SARDH: variants seen among roughly 807,000 people sequenced by gnomAD.
The protein encoded by SARDH is sarcosine dehydrogenase, mitochondrial.
SARDH carries 95 observed loss-of-function variants against 109.1 expected under a neutral mutation model. The observed-to-expected ratio is 0.87, with a 90% CI of 0.74 to 1.03. The LOEUF is 1.03. SARDH is among the 50% of genes least tolerant of loss of function. SARDH has a pLI of 0.00. For missense variants in SARDH, 1,267 were observed against 1,287.8 expected, an observed-to-expected ratio of 0.98 and a Z score of 0.25; for synonymous variants, 572 against 534.8, an observed-to-expected ratio of 1.07 and a Z score of -0.96.
At chr9:133,665,477 C>G (rs1830031172) in intron 20 of SARDH, among the ~76,000 whole-genome samples, 1 of 152,202 alleles carries the variant, frequency 6.6e-6, no homozygotes, top group Non-Finnish European at 1.5e-5. Context: ...TGTGCAGTGG[C>G]CTGTATGACA....
intron 19 of SARDH, 175 bp from the exon 20 acceptor site, chr9:133,667,045 C>CTGGA: frequency 5.1e-6 from 4 of 776,880 alleles, no homozygotes; most frequent in Non-Finnish European, 8.5e-6. Context: ...AGCACCTGGC[C>CTGGA]TGGACAGCAG....
chr9:133,666,750 G>A lies in SARDH; in HGVS notation c.2616C>T (p.Asp872=). 1 of 1,595,818 alleles carries A rather than the reference G, an allele frequency of 6.3e-7. No individual in the cohort carries two copies. Among genetic ancestry groups the A allele is most frequent in the Non-Finnish European group, 8.5e-7 (1 of 1,171,508 alleles). Residue 872 remains aspartate, a synonymous_variant, in exon 20 of 21, where the codon GAC becomes GAT. Coordinates refer to ENST00000439388, the MANE Select transcript of SARDH (RefSeq NM_001134707.2). This position sits in a 1 kb window ranked among gnomAD's most constrained non-coding sequence, Gnocchi z 5.2. ...GGGGACTCACCGGCCCACCGCTGGG[G>A]TCATGGATGTAACCGTAGGCGATGG... The part of the protein sequence containing the change: ...DKTIAYGYIH[D]PSGGPVSLDF...
intron 6 of SARDH, among the ~76,000 whole-genome samples, chr9:133,726,882 C>T (rs1337700704): frequency 1.3e-5 from 2 of 152,188 alleles, no homozygotes; most frequent in African/African-American, 2.4e-5. Flanking sequence ...TGCTGTATGC[C>T]GGGCACCACT....
chr9:133,701,072 C>T (rs1831467029), intron 13 of SARDH, among the ~76,000 whole-genome samples: 1 of 152,214 alleles, frequency 6.6e-6, no homozygotes, highest in Non-Finnish European at 1.5e-5. Context: ...GTGGCACAGC[C>T]AGGCAGTGGC....
At chr9:133,706,866 C>G (rs1831713444) in intron 11 of SARDH, among the ~76,000 whole-genome samples, 1 of 152,064 alleles carries the variant, frequency 6.6e-6, no homozygotes, top group Non-Finnish European at 1.5e-5. Context: ...CCCTCCACCC[C>G]CGAGGCCCCA....
chr9:133,678,329 A>C (rs1830586034), intron 17 of SARDH, among the ~76,000 whole-genome samples: 1 of 152,134 alleles, frequency 6.6e-6, no homozygotes, highest in African/African-American at 2.4e-5. Flanking sequence ...AGGGGACCAG[A>C]AGGCCTCTGG....
At chr9:133,698,998 A>G (rs1286670026) in intron 13 of SARDH, among the ~76,000 whole-genome samples, 1 of 152,208 alleles carries the variant, frequency 6.6e-6, no homozygotes, top group Non-Finnish European at 1.5e-5. Flanking sequence ...GTGTGTGCAC[A>G]TTACAGATCT....
At chr9:133,682,710 T>C (rs2797828) in intron 17 of SARDH, among the ~76,000 whole-genome samples, 1,116 of 49,526 alleles carry the variant, frequency 0.023, 33 homozygotes, top group African/African-American at 0.11. Context: ...CTGAAACCCA[T>C]GCGCAGTGAT....
chr9:133,670,559 G>A (rs371060774), intron 19 of SARDH, 25 bp downstream of exon 19: 8 of 1,557,744 alleles, frequency 5.1e-6, no homozygotes, highest in Non-Finnish European at 6.9e-6. Context: ...GCTTCCGGGT[G>A]GGCGTGGAAC....
At position 133,702,969 on chromosome 9, in the gene SARDH, G is replaced by A. The variant is rs775825403; in HGVS notation, c.1615C>T (p.Arg539Cys). 6.2e-7 allele frequency: 1 copy of A among 1,613,454 alleles called. No individual in the cohort carries two copies. The highest frequency in any genetic ancestry group is 8.5e-7 in the Non-Finnish European group (1 of 1,180,006). The stretch of plus-strand genomic sequence containing the variant: ...GTGTACTCGTCTGCCAGCAGCCTGC[G>A]GTAGGCGTAGTCCTCGTGCGCGCGG... ...GSRAHEDYAY[R>C]RLLADEYTFA... Residue 539 changes from arginine (R) to cysteine (C), a missense_variant, in exon 13 of 21, where the codon CGC becomes TGC. By Grantham distance (180) the Arg-to-Cys change is radical (BLOSUM62 -3). Coordinates refer to ENST00000439388, the MANE Select transcript of SARDH (RefSeq NM_001134707.2).
At chr9:133,670,834 C>G in intron 18 of SARDH, 82 bp from the exon 19 acceptor site, 1 of 1,440,962 alleles carries the variant, frequency 6.9e-7, no homozygotes, top group Non-Finnish European at 9.1e-7. Flanking sequence ...GCTGCCTAAA[C>G]CCACCCCCTC....
chr9:133,702,605 G>C (rs1184798323), intron 13 of SARDH, among the ~76,000 whole-genome samples: 1 of 152,208 alleles, frequency 6.6e-6, no homozygotes, highest in Non-Finnish European at 1.5e-5. Flanking sequence ...AGCGGGAGGC[G>C]GAGGCTCAGA....
At chr9:133,729,623 C>A (rs1832604220) in intron 6 of SARDH, 142 bp downstream of exon 6, 2 of 658,654 alleles carry the variant, frequency 3.0e-6, no homozygotes, top group South Asian at 3.7e-5. Flanking sequence ...TGTTACAATC[C>A]CCATTTCACA....
rs775913532 is a variant in SARDH at position 133,713,106 on chromosome 9, T to C, written c.1169A>G (p.His390Arg). 25 of 1,613,208 alleles carry C rather than the reference T, an allele frequency of 1.5e-5. No individual in the cohort carries two copies. The African/African-American group carries it at 1.9e-4, about 12-fold the overall frequency. ...AGGTGCCTCCCCCATCAGGGGCTTGTGGTCGGGCGTGAAGGATTCTGAAAG... is the reference window on the plus strand; with the variant it reads ...AGGTGCCTCCCCCATCAGGGGCTTGCGGTCGGGCGTGAAGGATTCTGAAAG... Reference protein sequence around the residue: ...VCGPESFTPDHKPLMGEAPEL... With the variant: ...VCGPESFTPDRKPLMGEAPEL... The change falls in exon 9 of 21, where the codon CAC (histidine) becomes CGC (arginine). Residue 390 changes from histidine to arginine, a missense_variant. Transcript: ENST00000439388.
chr9:133,729,198 G>C (rs982017171), intron 6 of SARDH, among the ~76,000 whole-genome samples: 1 of 152,018 alleles, frequency 6.6e-6, no homozygotes, highest in African/African-American at 2.4e-5. Context: ...GATGGAAAGA[G>C]GGGGGTCAGT....
intron 8 of SARDH, among the ~76,000 whole-genome samples, chr9:133,715,076 T>A (rs1340153082): frequency 1.3e-5 from 2 of 151,904 alleles, no homozygotes; most frequent in Non-Finnish European, 2.9e-5. Flanking sequence ...CTTGGTGAGC[T>A]CCACCATCCT....
Position 133,666,949 on chromosome 9 carries a change from G to A in SARDH, c.2496-79C>T. 1 of 1,568,146 alleles carries A rather than the reference G, an allele frequency of 6.4e-7. No individual in the cohort carries two copies. The highest frequency in any genetic ancestry group is 8.7e-7 in the Non-Finnish European group (1 of 1,152,940). ...CGTCCACAGCGGCCTGGAGGAGAAT[G>A]GGGGGCTGCATGATGCACACCCAAC... On this transcript the variant is annotated intron_variant, in intron 19 of 20. Coordinates refer to ENST00000439388, the MANE Select transcript of SARDH (RefSeq NM_001134707.2). This position sits in a 1 kb window ranked among gnomAD's most constrained non-coding sequence, Gnocchi z 5.2.
rs935406314 is a variant in SARDH at position 133,690,382 on chromosome 9, G to T, written c.2067C>A (p.Ala689=). The T allele has an allele frequency of 5.0e-6, 8 of 1,609,266 alleles. No homozygotes were observed. In the African/African-American group the frequency reaches 6.7e-5, roughly 13 times the overall value. ...GCGGGCTCCCAGTCCTCTCTCACCT[G>T]GCTGGGCCCTGGATACTGATCATAC... ...DLGMISIQGP[A]SRAILQEVLD... is the part of the protein sequence containing the mutation. The change falls in exon 16 of 21, where the codon GCC becomes GCA. Residue 689 remains alanine (A), a splice_region_variant and synonymous_variant. Transcript: ENST00000439388.
intron 12 of SARDH, 21 bp from the exon 13 acceptor site, chr9:133,703,050 C>T (rs760897894): frequency 2.4e-5 from 38 of 1,594,126 alleles, no homozygotes; most frequent in Middle Eastern, 3.3e-4. Context: ...AAGACGTGGT[C>T]CTCAGCCTGC....
Sources: allele counts gnomAD v4.1 joint callset (sites outside exome capture counted in the v4.1 genomes callset), GRCh38; gene constraint gnomAD v4.1.1; non-coding constraint Gnocchi (gnomAD v3.1); transcripts MANE v1.5; gene names NCBI Gene and HGNC (gene_info 2026-07-23, HGNC 2026-07-21).